The following ABCB11 variants were observed in gnomAD, a reference collection of about 807,000 sequenced individuals.
ABCB11 encodes the protein ATP binding cassette subfamily B member 11.
ABCB11 carries 95 observed loss-of-function variants against 148.0 expected under a neutral mutation model. That is an observed-to-expected ratio of 0.64 (90% CI 0.54 to 0.76). ABCB11 has a LOEUF of 0.76. ABCB11 is among the 30% of genes least tolerant of loss of function. The pLI is 0.00. For missense variants in ABCB11, 1,523 were observed against 1,617.8 expected (o/e 0.94, Z 1.01); for synonymous variants, 591 against 555.4 (o/e 1.06, Z -0.90).
At chr2:168,974,269 A>T (rs1012973319) in intron 12 of ABCB11, among the ~76,000 whole-genome samples, 2 of 152,018 alleles carry the variant, frequency 1.3e-5, no homozygotes, top group Admixed American at 1.3e-4. Flanking sequence ...ACAGTAAGGA[A>T]ATTTGCGGAT....
chr2:168,998,368 G>T (rs1694779446), intron 5 of ABCB11, among the ~76,000 whole-genome samples: 1 of 151,972 alleles, frequency 6.6e-6, no homozygotes, highest in African/African-American at 2.4e-5. Flanking sequence ...ATAAGTTCTG[G>T]TACTACATTG....
intron 26 of ABCB11, among the ~76,000 whole-genome samples, chr2:168,925,305 T>A (rs1449161132): frequency 2.0e-5 from 3 of 152,226 alleles, no homozygotes; most frequent in African/African-American, 7.2e-5. Flanking sequence ...ACAAATTATT[T>A]AAATTTTTTT....
At chr2:169,016,734 G>A (rs771144923) in intron 3 of ABCB11, 44 bp downstream of exon 3, 12 of 1,532,886 alleles carry the variant, frequency 7.8e-6, no homozygotes, top group Non-Finnish European at 1.1e-5. Flanking sequence ...ATATTATGGA[G>A]TTATTCTAGA....
At chr2:168,969,951 T>TACCCA in intron 15 of ABCB11, 94 bp downstream of exon 15, 2 of 705,474 alleles carry the variant, frequency 2.8e-6, no homozygotes, top group East Asian at 3.8e-5. Flanking sequence ...TATCAACTAC[T>TACCCA]CCCATCCCTC....
intron 5 of ABCB11, among the ~76,000 whole-genome samples, chr2:169,012,222 C>T (rs1014160277): frequency 2.0e-5 from 3 of 152,116 alleles, no homozygotes; most frequent in Admixed American, 6.6e-5. Flanking sequence ...CCAAGATGTG[C>T]CCCACCCTTG....
intron 17 of ABCB11, among the ~76,000 whole-genome samples, chr2:168,967,289 A>G: frequency 6.6e-6 from 1 of 151,908 alleles, no homozygotes. Flanking sequence ...TATTTGCCAA[A>G]TTCAGTAAAT....
intron 8 of ABCB11, among the ~76,000 whole-genome samples, chr2:168,992,264 T>C (rs1050301615): frequency 6.6e-6 from 1 of 152,050 alleles, no homozygotes; most frequent in East Asian, 1.9e-4. Context: ...GGTACTGAGA[T>C]GACTAGAGAA....
chr2:168,927,386 T>G (rs1052615740), intron 25 of ABCB11, 24 bp from the exon 26 acceptor site: 12 of 1,591,772 alleles, frequency 7.5e-6, no homozygotes, highest in Non-Finnish European at 1.0e-5. Flanking sequence ...AGATGACAGG[T>G]CATTAGGTTT....
chr2:168,971,153 C>T (rs10184334), intron 14 of ABCB11, among the ~76,000 whole-genome samples: 86,872 of 151,694 alleles, frequency 0.57, 25,140 homozygotes, highest in East Asian at 0.75. Context: ...TTTGACCTCT[C>T]AGAACCTCAG....
In ABCB11 at chr2:168,923,667, T is replaced by C. The variant is rs1691170109; in HGVS notation, c.3921A>G (p.Lys1307=). ...KGTHEELMAQ[K]GAYYKLVTTG... ...TGGTGACTAGTTTGTAGTAGGCTCCTTTTTGGGCCATCAGTTCTTCATGGG... is the reference window on the plus strand; with the variant it reads ...TGGTGACTAGTTTGTAGTAGGCTCCCTTTTGGGCCATCAGTTCTTCATGGG... The change falls in exon 28 of 28, where the codon AAA becomes AAG. Residue 1307 remains lysine (K), a synonymous_variant. Transcript: ENST00000650372. 6.2e-7 allele frequency: 1 copy of C among 1,613,856 alleles called. No individual in the cohort carries two copies. The highest frequency in any genetic ancestry group is 8.5e-7 in the Non-Finnish European group (1 of 1,179,862).
At chr2:168,933,693 T>C (rs1489895280) in intron 23 of ABCB11, among the ~76,000 whole-genome samples, 1 of 152,212 alleles carries the variant, frequency 6.6e-6, no homozygotes, top group Non-Finnish European at 1.5e-5. Context: ...TGGTGGAAGA[T>C]GACGTTCCAA....
chr2:168,930,887 G>A (rs1559179473), intron 24 of ABCB11, 25 bp from the exon 25 acceptor site: 3 of 1,554,578 alleles, frequency 1.9e-6, no homozygotes, highest in Non-Finnish European at 1.7e-6. Flanking sequence ...ATCAAAATTA[G>A]AGATGCTCTT....
intron 7 of ABCB11, 123 bp from the exon 8 acceptor site, chr2:168,994,005 AT>A (rs1694633533): frequency 1.3e-6 from 1 of 793,044 alleles, no homozygotes; most frequent in African/African-American, 1.8e-5. Context: ...CTTGGATAGC[AT>A]TAACAGCCTC....
At chr2:169,020,439 A>T (rs1422633329) in intron 1 of ABCB11, among the ~76,000 whole-genome samples, 2 of 151,692 alleles carry the variant, frequency 1.3e-5, no homozygotes, top group Non-Finnish European at 2.9e-5. Flanking sequence ...AAATGTCATC[A>T]ATCCAACAAA....
At chr2:169,016,947 C>G (rs1000654780) in intron 2 of ABCB11, 148 bp from the exon 3 acceptor site, 2 of 595,720 alleles carry the variant, frequency 3.4e-6, no homozygotes, top group African/African-American at 1.9e-5. Flanking sequence ...CCTTTTCTTT[C>G]TTCCTGCTCA....
Position 168,994,318 on chromosome 2 carries a change from G to A in ABCB11, c.612-436C>T, listed in dbSNP as rs545442306. 1.2e-4 allele frequency among the ~76,000 whole-genome samples: 18 copies of A among 152,052 alleles called. No individual in the cohort carries two copies. The South Asian group carries it at 1.2e-3, about 11-fold the overall frequency. On this transcript the variant is annotated intron_variant, in intron 7 of 27. Transcript: ENST00000650372. ...GTAACACCTTTCTCCCTGTGTTTCC[G>A]TAACACTGTAATTAATCCTTGTGCA...
chr2:169,005,593 T>C (rs1026452192), intron 5 of ABCB11, among the ~76,000 whole-genome samples: 1 of 152,126 alleles, frequency 6.6e-6, no homozygotes, highest in African/African-American at 2.4e-5. Context: ...AGGCAGCCAG[T>C]GACCAGGGCT....
At chr2:168,940,422 G>A (rs1246747957) in intron 21 of ABCB11, among the ~76,000 whole-genome samples, 1 of 152,126 alleles carries the variant, frequency 6.6e-6, no homozygotes, top group Non-Finnish European at 1.5e-5. Flanking sequence ...GATCAAACCT[G>A]CTACAACATT....
intron 1 of ABCB11, among the ~76,000 whole-genome samples, chr2:169,027,185 CTG>C (rs1427304943): frequency 6.6e-6 from 1 of 152,182 alleles, no homozygotes; most frequent in Non-Finnish European, 1.5e-5. Flanking sequence ...CAGGAACAGA[CTG>C]AGAATTTTCA....
Sources: allele counts gnomAD v4.1 joint callset (sites outside exome capture counted in the v4.1 genomes callset), GRCh38; gene constraint gnomAD v4.1.1; transcripts MANE v1.5; gene names NCBI Gene and HGNC (gene_info 2026-07-23, HGNC 2026-07-21).